Variants in PMEPA1 observed in about 807,000 individuals in gnomAD.
PMEPA1 encodes the protein prostate transmembrane protein, androgen induced 1, also known as protein TMEPAI.
Under a neutral mutation model 23.0 loss-of-function variants are expected in PMEPA1, and 11 were observed. The ratio of observed to expected loss-of-function variants is 0.48; its 90% CI spans 0.30 to 0.79. The LOEUF is 0.79. PMEPA1 is among the 30% of genes least tolerant of loss of function. The pLI is 0.06. For synonymous variants in PMEPA1, 204 were observed against 166.4 expected (o/e 1.23, Z -1.74); for missense variants, 377 against 390.9 (o/e 0.96, Z 0.30).
chr20:57,710,037 C>G (rs920591727), upstream of PMEPA1: 13 of 998,808 alleles, frequency 1.3e-5, no homozygotes, highest in Non-Finnish European at 1.3e-5. Context: ...ACGGGGCTGC[C>G]GGTTCCCACC....
intron 1 of PMEPA1, among the ~76,000 whole-genome samples, chr20:57,660,967 G>A (rs557251389): frequency 1.5e-4 from 23 of 151,742 alleles, no homozygotes; most frequent in African/African-American, 4.1e-4. Context: ...CAGACACAGC[G>A]CACCACACGT....
At position 57,651,853 on chromosome 20, in the gene PMEPA1, T is replaced by TA; in HGVS notation, c.*199_*200insT. ...AAACGTGGTTTTTTTTTTTCTTTTT[T>TA]CTTTTTTTTTTTGCAAGCTCTCTTA... On this transcript the variant is annotated 3_prime_UTR_variant, in exon 4 of 4. Coordinates refer to ENST00000341744, the MANE Select transcript of PMEPA1 (RefSeq NM_020182.5). The TA allele has an allele frequency of 7.8e-6, 3 of 382,646 alleles. No homozygotes were observed. Among genetic ancestry groups the TA allele is most frequent in the Non-Finnish European group, 8.9e-6 (2 of 224,374 alleles). 23.7% of individuals were successfully genotyped at this position (382,646 alleles called of 1,614,324 possible). A position where few individuals can be genotyped will look rare whatever the true frequency, so the allele number is the denominator to read the frequency against.
At chr20:57,665,802 CA>C (rs1422261539) in intron 1 of PMEPA1, among the ~76,000 whole-genome samples, 2 of 152,190 alleles carry the variant, frequency 1.3e-5, no homozygotes, top group African/African-American at 4.8e-5. Flanking sequence ...TGGCTGGACC[CA>C]AGGCCCCTCA....
chr20:57,652,843 G>C lies in PMEPA1; in HGVS notation c.318+190C>G, dbSNP rs567192563. Among the ~76,000 whole-genome samples, 2 of 152,324 alleles carry C rather than the reference G, an allele frequency of 1.3e-5. No homozygotes were observed. The highest frequency in any genetic ancestry group is 1.3e-4 in the Admixed American group (2 of 15,310). On this transcript the variant is annotated intron_variant, in intron 3 of 3. Transcript: ENST00000341744. This position sits in a 1 kb window ranked among gnomAD's most constrained non-coding sequence, Gnocchi z 6.1. ...CAGCGTCCGTGCTCCCGTGTGCAGA[G>C]AGCAGAGAGCTGGGCTGCTCCCTCA...
In PMEPA1 at chr20:57,666,179, G is replaced by C. The variant is rs1234691659; in HGVS notation, c.110-6482C>G. ...CCTTGTGAATAATTTCACATTAACA[G>C]GTTCGTGTGCCTCGTTGGAGAGGCC... On this transcript the variant is annotated intron_variant, in intron 1 of 3. Transcript: ENST00000341744. Among the ~76,000 whole-genome samples the C allele has an allele frequency of 2.6e-5, 4 of 152,094 alleles. No individual in the cohort carries two copies. The East Asian group carries it at 5.8e-4, about 22-fold the overall frequency.
chr20:57,651,183 A>T lies in PMEPA1; in HGVS notation c.*870T>A, dbSNP rs1489503247. 2.0e-5 allele frequency: 3 copies of T among 152,268 alleles called. No homozygotes were observed. The East Asian group carries it at 5.8e-4, about 29-fold the overall frequency. The allele number at this position is 152,268 out of a possible 1,614,324, so 9.4% of individuals were successfully genotyped here. ...AAAGGCTGTTCTGGGTCAGGGGGGA[A>T]AAGGTGTCTCCTTCGGTAGGGAATA... On this transcript the variant is annotated 3_prime_UTR_variant, in exon 4 of 4. Coordinates refer to ENST00000341744, the MANE Select transcript of PMEPA1 (RefSeq NM_020182.5).
chr20:57,673,139 C>T (rs1234998787), intron 1 of PMEPA1, among the ~76,000 whole-genome samples: 5 of 152,096 alleles, frequency 3.3e-5, no homozygotes, highest in Non-Finnish European at 7.3e-5. Flanking sequence ...GCCTCTTGGC[C>T]GCCAGCACCC....
rs1349309703 is a variant in PMEPA1 at position 57,704,058 on chromosome 20, G to A, written c.109+5416C>T. Among the ~76,000 whole-genome samples, 1 of 152,168 alleles carries A rather than the reference G, an allele frequency of 6.6e-6. No individual in the cohort carries two copies. Among genetic ancestry groups the A allele is most frequent in the Non-Finnish European group, 1.5e-5 (1 of 68,016 alleles). ...CACAGCAGGGCAGGTCACTTGATGA[G>A]ACAGATGGGGTCTGCCAGCAGGTTC... is the stretch of plus-strand genomic sequence containing the variant. On this transcript the variant is annotated intron_variant, in intron 1 of 3. Coordinates refer to ENST00000341744, the MANE Select transcript of PMEPA1 (RefSeq NM_020182.5). The surrounding 1 kb of genome is among the most constrained non-coding windows in gnomAD (Gnocchi z 4.6).
intron 1 of PMEPA1, among the ~76,000 whole-genome samples, chr20:57,664,134 G>A (rs1157893303): frequency 1.3e-5 from 2 of 152,174 alleles, no homozygotes; most frequent in South Asian, 2.1e-4. Context: ...AAGGGCACGC[G>A]CACCGACCGT....
chr20:57,709,717 C>T lies in PMEPA1; in HGVS notation c.-135G>A, dbSNP rs2072142982. The T allele has an allele frequency of 2.0e-6, 2 of 978,296 alleles. No individual in the cohort carries two copies. Among genetic ancestry groups the T allele is most frequent in the Non-Finnish European group, 2.4e-6 (2 of 827,060 alleles). The allele number at this position is 978,296 out of a possible 1,614,324, so 60.6% of individuals were successfully genotyped here. On this transcript the variant is annotated 5_prime_UTR_variant, in exon 1 of 4. Coordinates refer to ENST00000341744, the MANE Select transcript of PMEPA1 (RefSeq NM_020182.5). The stretch of plus-strand genomic sequence containing the variant: ...GAGGCGCGCCCCGGCTCGCCGGGCT[C>T]GGGTCGCCGCCAAGTTCCCGGGGCG...
chr20:57,703,569 GC>G (rs1220650986), intron 1 of PMEPA1, among the ~76,000 whole-genome samples: 1 of 152,224 alleles, frequency 6.6e-6, no homozygotes, highest in East Asian at 1.9e-4. Flanking sequence ...TCTTGGGCCA[GC>G]AACGGGCATG....
At chr20:57,681,472 A>G (rs115180533) in intron 1 of PMEPA1, among the ~76,000 whole-genome samples, 3,783 of 152,272 alleles carry the variant, frequency 0.025, 147 homozygotes, top group African/African-American at 0.082. Context: ...CCTGCCTGAG[A>G]CGACCGTGAG....
chr20:57,698,058 C>T (rs1418559515), intron 1 of PMEPA1, among the ~76,000 whole-genome samples: 3 of 152,144 alleles, frequency 2.0e-5, no homozygotes, highest in African/African-American at 4.8e-5. Context: ...ACATTCTCTG[C>T]ATCTGTGGCT....
At chr20:57,671,663 A>G (rs2071570260) in intron 1 of PMEPA1, among the ~76,000 whole-genome samples, 1 of 152,234 alleles carries the variant, frequency 6.6e-6, no homozygotes, top group African/African-American at 2.4e-5. Flanking sequence ...GGTACATCAC[A>G]TTATGGGATG....
chr20:57,680,619 C>A (rs948263070), intron 1 of PMEPA1, among the ~76,000 whole-genome samples: 5 of 152,268 alleles, frequency 3.3e-5, no homozygotes, highest in African/African-American at 9.6e-5. Context: ...TAGGCAACAG[C>A]TGATTCCTAA....
intron 2 of PMEPA1, among the ~76,000 whole-genome samples, chr20:57,653,975 T>C (rs1402767395): frequency 1.3e-5 from 2 of 151,850 alleles, no homozygotes; most frequent in African/African-American, 4.8e-5. Context: ...AACAGGAGAG[T>C]TGAGGAAAGT....
chr20:57,674,972 G>C (rs1039001291), intron 1 of PMEPA1, among the ~76,000 whole-genome samples: 2 of 152,216 alleles, frequency 1.3e-5, no homozygotes, highest in Non-Finnish European at 2.9e-5. Context: ...AAGCCGTTCT[G>C]ACCACAGTGA....
At chr20:57,700,259 T>G (rs1242306887) in intron 1 of PMEPA1, 1 of 416,350 alleles carries the variant, frequency 2.4e-6, no homozygotes, top group Non-Finnish European at 5.0e-6. Context: ...ACCGAACATG[T>G]TCGGGGGAAC....
At chr20:57,681,656 T>C (rs904816179) in intron 1 of PMEPA1, among the ~76,000 whole-genome samples, 12 of 152,186 alleles carry the variant, frequency 7.9e-5, no homozygotes, top group African/African-American at 2.9e-4. Context: ...CCTCCTCCCC[T>C]GCTGGCAGCA....
Sources: gnomAD v4.1 joint callset for allele counts (sites outside exome capture counted in the v4.1 genomes callset) on GRCh38, gnomAD v4.1.1 for gene constraint, Gnocchi (gnomAD v3.1) non-coding constraint, MANE v1.5 for transcripts, NCBI Gene and HGNC (gene_info 2026-07-23, HGNC 2026-07-21) for gene names.